The following PLXNA2 variants were observed in gnomAD, a reference collection of about 807,000 sequenced individuals.
PLXNA2 encodes plexin-A2.
In PLXNA2, 91 loss-of-function variants were observed where a neutral mutation model predicts 193.5. The observed-to-expected ratio is 0.47, with a 90% CI of 0.40 to 0.56. The LOEUF (loss-of-function observed/expected upper bound fraction) is 0.56. Ranked by LOEUF, PLXNA2 falls within the 20% of genes least tolerant of loss-of-function variation. The probability of loss-of-function intolerance (pLI) is 0.00; values close to 1 mark genes in which losing one functional copy is unlikely to be tolerated. For missense variants in PLXNA2, 1,995 were observed against 2,503.2 expected, an observed-to-expected ratio of 0.80 and a Z score of 4.33; for synonymous variants, 997 against 1,027.3, an observed-to-expected ratio of 0.97 and a Z score of 0.56.
chr1:208,230,494 G>A (rs1671655490), intron 1 of PLXNA2: 2 of 152,460 alleles, frequency 1.3e-5, no homozygotes, highest in South Asian at 4.1e-4. Context: ...GAAGGGTGTG[G>A]AGGAGGAAAG....
chr1:208,045,178 C>A lies in PLXNA2; in HGVS notation c.3528G>T (p.Gly1176=). The A allele has an allele frequency of 6.2e-7, 1 of 1,614,068 alleles. No homozygotes were observed. The highest frequency in any genetic ancestry group is 2.2e-5 in the East Asian group (1 of 44,882). ...GKNLCPPASG[G]AKLNYTVLIG... Reference sequence around the variant, plus strand: ...TGAGCACAGTGTAGTTGAGTTTGGCCCCTCCAGAGGCAGGAGGGCAGAGGT... The same window carrying A: ...TGAGCACAGTGTAGTTGAGTTTGGCACCTCCAGAGGCAGGAGGGCAGAGGT... Residue 1176 remains glycine (G), a synonymous_variant, in exon 19 of 32, where the codon GGG becomes GGT. Transcript: ENST00000367033.
At chr1:208,031,812 G>C (rs1217782085) in intron 28 of PLXNA2, 53 bp from the exon 29 acceptor site, 9 of 1,437,906 alleles carry the variant, frequency 6.3e-6, no homozygotes, top group Non-Finnish European at 7.7e-6. Flanking sequence ...GCAGGTAGCA[G>C]ACAGGCATAC....
intron 12 of PLXNA2, among the ~76,000 whole-genome samples, chr1:208,067,249 C>T (rs1665828686): frequency 6.6e-6 from 1 of 150,834 alleles, no homozygotes; most frequent in Non-Finnish European, 1.5e-5. Context: ...GAGGCTGAGG[C>T]AGGAGAATCA....
chr1:208,107,851 C>A (rs575103557), intron 4 of PLXNA2, among the ~76,000 whole-genome samples: 1 of 152,092 alleles, frequency 6.6e-6, no homozygotes, highest in Non-Finnish European at 1.5e-5. Context: ...TCTCCTGCCC[C>A]CTATGGCCTT....
intron 12 of PLXNA2, 117 bp from the exon 13 acceptor site, chr1:208,060,954 C>G: frequency 2.4e-6 from 2 of 823,326 alleles, no homozygotes; most frequent in Non-Finnish European, 3.8e-6. Context: ...AATTCCTCCA[C>G]CAGGAATTCT....
At chr1:208,118,923 C>T (rs1005531260) in intron 4 of PLXNA2, among the ~76,000 whole-genome samples, 5 of 152,108 alleles carry the variant, frequency 3.3e-5, no homozygotes, top group East Asian at 1.9e-4. Context: ...CACTTAGCAT[C>T]GAGCTGTGCT....
At chr1:208,036,921 A>T (rs1381316358) in intron 26 of PLXNA2, among the ~76,000 whole-genome samples, 1 of 152,198 alleles carries the variant, frequency 6.6e-6, no homozygotes, top group Admixed American at 6.5e-5. Context: ...CCTGCCCTTT[A>T]GAAACTCATG....
intron 3 of PLXNA2, among the ~76,000 whole-genome samples, chr1:208,162,092 C>T (rs1184862912): frequency 5.3e-5 from 8 of 152,158 alleles, no homozygotes; most frequent in Admixed American, 5.2e-4. Flanking sequence ...CCTTAGAGCT[C>T]TCTATTTAAA....
chr1:208,028,733 C>T lies in PLXNA2; in HGVS notation c.5438+97G>A. 1.7e-6 allele frequency: 2 copies of T among 1,143,272 alleles called. No homozygotes were observed. Among genetic ancestry groups the T allele is most frequent in the South Asian group, 2.9e-5 (2 of 67,970 alleles). The allele number at this position is 1,143,272 out of a possible 1,614,324, so 70.8% of individuals were successfully genotyped here. The stretch of plus-strand genomic sequence containing the variant: ...GGAGTGGGAGGTCCTGAAGAGATGA[C>T]AGACACCGTCGTCTGAGTCCTTAGT... On this transcript the variant is annotated intron_variant, in intron 30 of 31. Coordinates refer to ENST00000367033, the MANE Select transcript of PLXNA2 (RefSeq NM_025179.4). This position sits in a 1 kb window ranked among gnomAD's most constrained non-coding sequence, Gnocchi z 4.2.
intron 4 of PLXNA2, among the ~76,000 whole-genome samples, chr1:208,128,930 C>T (rs1245460242): frequency 1.3e-5 from 2 of 152,048 alleles, no homozygotes; most frequent in East Asian, 1.9e-4. Flanking sequence ...CTCCTGACCT[C>T]GTGATCCACC....
intron 9 of PLXNA2, among the ~76,000 whole-genome samples, chr1:208,085,088 T>TG (rs1195400127): frequency 6.6e-6 from 1 of 151,792 alleles, no homozygotes; most frequent in Non-Finnish European, 1.5e-5. Flanking sequence ...TGCTCTGTTT[T>TG]TTTTTTTTTT....
Position 208,038,777 on chromosome 1 carries a change from C to T in PLXNA2, c.4660+48G>A, listed in dbSNP as rs80345877. The T allele has an allele frequency of 0.028, 43,851 of 1,584,378 alleles. 1,373 individuals carry two copies. Among genetic ancestry groups the T allele is most frequent in the Admixed American group, 0.13 (7,552 of 59,162 alleles). On this transcript the variant is annotated intron_variant, in intron 25 of 31. Transcript: ENST00000367033. The surrounding 1 kb of genome is among the most constrained non-coding windows in gnomAD (Gnocchi z 4.1). ...GTTGTGTGCATGGCAGCTTCCCTTC[C>T]TTCACCTCTCAACCCCTGCCCTCAC...
intron 3 of PLXNA2, among the ~76,000 whole-genome samples, chr1:208,159,722 C>T (rs1048805316): frequency 5.1e-4 from 77 of 152,316 alleles, no homozygotes; most frequent in African/African-American, 1.7e-3. Context: ...TCAGGAGGGC[C>T]GGATCTCTGA....
chr1:208,173,891 G>A (rs376098117), intron 3 of PLXNA2, among the ~76,000 whole-genome samples: 2 of 152,220 alleles, frequency 1.3e-5, no homozygotes, highest in Admixed American at 6.5e-5. Flanking sequence ...CTGCTTGCTC[G>A]ACTTTCATTT....
At chr1:208,194,557 C>G (rs1383413636) in intron 3 of PLXNA2, among the ~76,000 whole-genome samples, 3 of 151,282 alleles carry the variant, frequency 2.0e-5, no homozygotes, top group Non-Finnish European at 4.4e-5. Context: ...ATTTTAAATG[C>G]ACGCCACTTT....
At chr1:208,234,209 C>T (rs1413937479) in intron 1 of PLXNA2, among the ~76,000 whole-genome samples, 1 of 152,050 alleles carries the variant, frequency 6.6e-6, no homozygotes, top group African/African-American at 2.4e-5. Flanking sequence ...TGACTCAGGG[C>T]AATACACTTA....
At chr1:208,130,781 G>C (rs562154312) in intron 4 of PLXNA2, among the ~76,000 whole-genome samples, 1 of 152,168 alleles carries the variant, frequency 6.6e-6, no homozygotes, top group South Asian at 2.1e-4. Flanking sequence ...GTTCAAAGTT[G>C]GATTCCAAAT....
chr1:208,118,283 T>A (rs908403554), intron 4 of PLXNA2, among the ~76,000 whole-genome samples: 1 of 152,246 alleles, frequency 6.6e-6, no homozygotes, highest in Non-Finnish European at 1.5e-5. Flanking sequence ...CCATTTTTCC[T>A]GAAATCCTGG....
chr1:208,223,890 C>T (rs1379697545), intron 1 of PLXNA2, among the ~76,000 whole-genome samples: 1 of 152,210 alleles, frequency 6.6e-6, no homozygotes, highest in East Asian at 1.9e-4. Context: ...GCCTAGGAAT[C>T]AGTTTACCTA....
Sources: allele counts gnomAD v4.1 joint callset (sites outside exome capture counted in the v4.1 genomes callset), GRCh38; gene constraint gnomAD v4.1.1; non-coding constraint Gnocchi (gnomAD v3.1); transcripts MANE v1.5; gene names NCBI Gene and HGNC (gene_info 2026-07-23, HGNC 2026-07-21).